TAFA1: variants seen among roughly 807,000 people sequenced by gnomAD.
TAFA1 encodes the protein chemokine-like protein TAFA-1.
TAFA1 carries 4 observed loss-of-function variants against 18.5 expected under a neutral mutation model. The observed-to-expected ratio is 0.22, with a 90% CI of 0.11 to 0.49. The LOEUF (loss-of-function observed/expected upper bound fraction) is 0.49. TAFA1 is among the 20% of genes least tolerant of loss of function. The pLI, the probability that TAFA1 is intolerant of heterozygous loss-of-function variation, is 0.98. For synonymous variants in TAFA1, 56 were observed against 55.2 expected, an observed-to-expected ratio of 1.01 and a Z score of -0.06; for missense variants, 147 against 169.0, an observed-to-expected ratio of 0.87 and a Z score of 0.72.
At chr3:68,120,217 CTTTCTTTCTTTCTTTCTTTCTTTCT>C (rs2065378586) in intron 2 of TAFA1, among the ~76,000 whole-genome samples, 1 of 123,922 alleles carries the variant, frequency 8.1e-6, no homozygotes, top group Non-Finnish European at 1.7e-5. Context: ...TTCTTTCTTT[CTTTCTTTCTTTCTTTCTTTCTTTCT>C]TTCTTTCTTT....
At chr3:68,238,189 A>G (rs1312995130) in intron 2 of TAFA1, among the ~76,000 whole-genome samples, 1 of 152,154 alleles carries the variant, frequency 6.6e-6, no homozygotes, top group Non-Finnish European at 1.5e-5. Context: ...CAGCCCTTCA[A>G]CTGGGCCTGT....
chr3:68,320,727 C>T (rs1176855005), intron 2 of TAFA1, among the ~76,000 whole-genome samples: 1 of 152,142 alleles, frequency 6.6e-6, no homozygotes, highest in African/African-American at 2.4e-5. Flanking sequence ...CTGATGAAAA[C>T]CATGTTCCAA....
intron 2 of TAFA1, among the ~76,000 whole-genome samples, chr3:68,396,928 T>G (rs558062463): frequency 1.3e-5 from 2 of 152,316 alleles, no homozygotes; most frequent in African/African-American, 4.8e-5. Context: ...TGATTGTCTT[T>G]CACCCTTTCC....
At chr3:68,534,594 CA>C (rs1402922945) in intron 3 of TAFA1, among the ~76,000 whole-genome samples, 8 of 152,108 alleles carry the variant, frequency 5.3e-5, no homozygotes, top group Non-Finnish European at 1.2e-4. Flanking sequence ...TTAGAAGAGG[CA>C]ACTCTAATGT....
At position 68,440,904 on chromosome 3, in the gene TAFA1, C is replaced by G. The variant is rs77046854; in HGVS notation, c.259+23484C>G. Reference sequence around the variant, plus strand: ...GAGCCCAAAGTGTCCAGGTGGCAATCTTAACTTCCAATTTAATGGAATCAT... The same window carrying G: ...GAGCCCAAAGTGTCCAGGTGGCAATGTTAACTTCCAATTTAATGGAATCAT... On this transcript the variant is annotated intron_variant, in intron 3 of 4. Coordinates refer to ENST00000478136, the MANE Select transcript of TAFA1 (RefSeq NM_213609.4). Among the ~76,000 whole-genome samples the G allele has an allele frequency of 6.8e-3, 1,029 of 152,296 alleles. 16 individuals are homozygous for G. The highest frequency in any genetic ancestry group is 0.059 in the East Asian group (303 of 5,174).
At chr3:68,542,509 C>G (rs2073393804) in intron 4 of TAFA1, among the ~76,000 whole-genome samples, 1 of 151,900 alleles carries the variant, frequency 6.6e-6, no homozygotes, top group Non-Finnish European at 1.5e-5. Flanking sequence ...ATGTCTATAC[C>G]TTTTATATTC....
At chr3:68,387,675 T>C (rs2221759) in intron 2 of TAFA1, among the ~76,000 whole-genome samples, 77,439 of 151,902 alleles carry the variant, frequency 0.51, 20,307 homozygotes, top group African/African-American at 0.58. Flanking sequence ...TTTTTCTGCT[T>C]TCACTCAGGA....
chr3:68,525,093 A>C (rs543954449), intron 3 of TAFA1, among the ~76,000 whole-genome samples: 1 of 152,326 alleles, frequency 6.6e-6, no homozygotes, highest in Non-Finnish European at 1.5e-5. Context: ...AGTAGAACTA[A>C]GATGTTGAAC....
intron 2 of TAFA1, among the ~76,000 whole-genome samples, chr3:68,142,290 G>A (rs1000065688): frequency 2.0e-5 from 3 of 152,198 alleles, no homozygotes; most frequent in Non-Finnish European, 2.9e-5. Context: ...AGAAGTTAAA[G>A]TGCCCAAGAT....
intron 2 of TAFA1, among the ~76,000 whole-genome samples, chr3:68,180,027 A>ATTATTATTG (rs1481294235): frequency 6.8e-6 from 1 of 147,012 alleles, no homozygotes; most frequent in African/African-American, 2.5e-5. Flanking sequence ...TATTATTATT[A>ATTATTATTG]TTATTATTAT....
intron 2 of TAFA1, among the ~76,000 whole-genome samples, chr3:68,231,702 T>G (rs1304443231): frequency 6.6e-6 from 1 of 152,172 alleles, no homozygotes; most frequent in Non-Finnish European, 1.5e-5. Context: ...AGATATAATT[T>G]ATATACCATA....
chr3:68,044,666 A>G (rs1209843861), intron 2 of TAFA1, among the ~76,000 whole-genome samples: 1 of 152,214 alleles, frequency 6.6e-6, no homozygotes, highest in Non-Finnish European at 1.5e-5. Context: ...ATGAAAGTAG[A>G]GAGAGAGAAA....
intron 2 of TAFA1, among the ~76,000 whole-genome samples, chr3:68,292,198 C>G (rs2068120342): frequency 6.6e-6 from 1 of 151,978 alleles, no homozygotes; most frequent in Non-Finnish European, 1.5e-5. Context: ...ATATATAATT[C>G]TTAGTAGCTG....
chr3:68,099,354 A>G (rs1678181383), intron 2 of TAFA1, among the ~76,000 whole-genome samples: 1 of 152,026 alleles, frequency 6.6e-6, no homozygotes, highest in African/African-American at 2.4e-5. Context: ...ACATGAACAG[A>G]CACTTCTCAA....
intron 2 of TAFA1, among the ~76,000 whole-genome samples, chr3:68,061,351 T>C (rs888204767): frequency 6.6e-6 from 1 of 152,206 alleles, no homozygotes; most frequent in African/African-American, 2.4e-5. Context: ...AAACTTCCCA[T>C]TTCAGGAATT....
At chr3:68,405,079 A>G (rs1254682038) in intron 2 of TAFA1, among the ~76,000 whole-genome samples, 1 of 152,130 alleles carries the variant, frequency 6.6e-6, no homozygotes, top group African/African-American at 2.4e-5. Flanking sequence ...TTTAGAAGTG[A>G]TGGATTCAGA....
rs555519926 is a variant in TAFA1, at chr3:68,283,024, A to G, written c.119-134256A>G. The stretch of plus-strand genomic sequence containing the variant: ...TAGGAATCCAAAGGAATCCTATTGC[A>G]TAATATTTTACTTTATGGCTGATTT... On this transcript the variant is annotated intron_variant, in intron 2 of 4. Coordinates refer to ENST00000478136, the MANE Select transcript of TAFA1 (RefSeq NM_213609.4). Among the ~76,000 whole-genome samples, 7 of 152,304 alleles carry G rather than the reference A, an allele frequency of 4.6e-5. No homozygotes were observed. The East Asian group carries it at 7.7e-4, about 17-fold the overall frequency.
At chr3:68,467,267 C>G (rs1488336050) in intron 3 of TAFA1, among the ~76,000 whole-genome samples, 2 of 152,090 alleles carry the variant, frequency 1.3e-5, no homozygotes, top group Non-Finnish European at 2.9e-5. Flanking sequence ...ACATCCTCAG[C>G]TTAAGAAGAT....
chr3:68,077,448 C>G (rs1231133383), intron 2 of TAFA1, among the ~76,000 whole-genome samples: 1 of 137,446 alleles, frequency 7.3e-6, no homozygotes, highest in Non-Finnish European at 1.6e-5. Flanking sequence ...TTAGGTCTAA[C>G]GTTTAAGTCT....
Sources: allele counts gnomAD v4.1 joint callset (sites outside exome capture counted in the v4.1 genomes callset), GRCh38; gene constraint gnomAD v4.1.1; transcripts MANE v1.5; gene names NCBI Gene and HGNC (gene_info 2026-07-23, HGNC 2026-07-21).